The following SLC35F3 variants were observed in gnomAD, a reference collection of about 807,000 sequenced individuals.
SLC35F3 encodes the protein solute carrier family 35 member F3.
Under a neutral mutation model 49.9 loss-of-function variants are expected in SLC35F3, and 25 were observed. The observed-to-expected ratio is 0.50, with a 90% CI of 0.37 to 0.70. SLC35F3 has a LOEUF of 0.70. Among genes scored for constraint, SLC35F3 ranks in the 30% least tolerant of loss-of-function variants. SLC35F3 has a pLI of 0.00. For synonymous variants in SLC35F3, 275 were observed against 265.4 expected, an observed-to-expected ratio of 1.04 and a Z score of -0.35; for missense variants, 525 against 639.8, an observed-to-expected ratio of 0.82 and a Z score of 1.94.
intron 2 of SLC35F3, among the ~76,000 whole-genome samples, chr1:234,172,761 T>C (rs1049875820): frequency 6.6e-6 from 1 of 152,234 alleles, no homozygotes; most frequent in Non-Finnish European, 1.5e-5. Flanking sequence ...CAATGGCAAG[T>C]ATTTGTGTCT....
In SLC35F3 at chr1:234,052,258, C is replaced by T. The variant is rs996935665; in HGVS notation, c.283+146500C>T. Among the ~76,000 whole-genome samples, 3 of 152,130 alleles carry T rather than the reference C, an allele frequency of 2.0e-5. No homozygotes were observed. The South Asian group carries it at 6.2e-4, about 32-fold the overall frequency. On this transcript the variant is annotated intron_variant, in intron 2 of 7. Coordinates refer to ENST00000366618, the MANE Select transcript of SLC35F3 (RefSeq NM_173508.4). ...CTCTGGTAGAATTTGGCTGTGAATC[C>T]GTCTGGTCCTGGACTTTTTTTGTTG...
intron 2 of SLC35F3, among the ~76,000 whole-genome samples, chr1:233,956,288 A>C (rs1036610638): frequency 6.6e-6 from 1 of 152,076 alleles, no homozygotes; most frequent in African/African-American, 2.4e-5. Flanking sequence ...AAAGTCAGCA[A>C]ATATTAGGGC....
intron 2 of SLC35F3, among the ~76,000 whole-genome samples, chr1:233,964,233 T>C (rs115044469): frequency 0.021 from 3,232 of 152,226 alleles, 125 homozygotes; most frequent in African/African-American, 0.074. Flanking sequence ...GATTCTGAGC[T>C]CACAAAGGAG....
intron 4 of SLC35F3, among the ~76,000 whole-genome samples, chr1:234,311,788 G>A (rs1366634481): frequency 6.6e-6 from 1 of 152,194 alleles, no homozygotes; most frequent in East Asian, 1.9e-4. Context: ...TGGTTCTCCA[G>A]GTCAGGGTTC....
chr1:234,296,409 A>T lies in SLC35F3; in HGVS notation c.609-12692A>T, dbSNP rs185939405. On this transcript the variant is annotated intron_variant, in intron 3 of 7. Transcript: ENST00000366618. ...TAGATTTATTCCATGCAATATTTTA[A>T]TGGACTCTTTAGAATAGGAAGAGTG... is the stretch of plus-strand genomic sequence containing the variant. 2.6e-5 allele frequency among the ~76,000 whole-genome samples: 4 copies of T among 152,324 alleles called. No homozygotes were observed. In the East Asian group the frequency reaches 7.7e-4, roughly 29 times the overall value.
At chr1:233,977,291 G>C (rs1162910921) in intron 2 of SLC35F3, among the ~76,000 whole-genome samples, 1 of 152,190 alleles carries the variant, frequency 6.6e-6, no homozygotes, top group Admixed American at 6.5e-5. Flanking sequence ...TTTTATTAGA[G>C]AGTTGAACAA....
At chr1:234,106,087 T>C (rs774219675) in intron 2 of SLC35F3, among the ~76,000 whole-genome samples, 2 of 152,098 alleles carry the variant, frequency 1.3e-5, no homozygotes, top group African/African-American at 2.4e-5. Context: ...ATGACTACGG[T>C]TTATTATGGC....
chr1:234,275,365 T>C (rs1036091275), intron 3 of SLC35F3, among the ~76,000 whole-genome samples: 1 of 152,172 alleles, frequency 6.6e-6, no homozygotes, highest in Non-Finnish European at 1.5e-5. Flanking sequence ...TTCAAAATAC[T>C]TCTGGTCCCA....
At chr1:234,240,006 G>C (rs1012617457) in intron 3 of SLC35F3, among the ~76,000 whole-genome samples, 1 of 152,146 alleles carries the variant, frequency 6.6e-6, no homozygotes, top group African/African-American at 2.4e-5. Context: ...TGTGTAAAAA[G>C]TTCTAAACTG....
At chr1:233,969,064 G>T (rs936667047) in intron 2 of SLC35F3, among the ~76,000 whole-genome samples, 4 of 150,728 alleles carry the variant, frequency 2.7e-5, no homozygotes, top group South Asian at 2.1e-4. Flanking sequence ...ATATTTTGGG[G>T]GGGGGGACAC....
At chr1:233,990,609 G>A (rs528829950) in intron 2 of SLC35F3, among the ~76,000 whole-genome samples, 8 of 150,100 alleles carry the variant, frequency 5.3e-5, no homozygotes, top group African/African-American at 1.7e-4. Context: ...GTAGATCTTA[G>A]GTATTCTCGC....
At chr1:234,161,293 G>C (rs561866526) in intron 2 of SLC35F3, among the ~76,000 whole-genome samples, 1 of 152,344 alleles carries the variant, frequency 6.6e-6, no homozygotes, top group African/African-American at 2.4e-5. Flanking sequence ...GCATAGAAAT[G>C]TGAAGTACCT....
intron 3 of SLC35F3, among the ~76,000 whole-genome samples, chr1:234,294,015 TA>T (rs1166954929): frequency 2.6e-5 from 4 of 152,208 alleles, no homozygotes; most frequent in Non-Finnish European, 5.9e-5. Flanking sequence ...GGCTGTTTTC[TA>T]AAAGCATAAA....
chr1:233,965,037 G>A (rs1365718509), intron 2 of SLC35F3, among the ~76,000 whole-genome samples: 1 of 152,154 alleles, frequency 6.6e-6, no homozygotes, highest in Non-Finnish European at 1.5e-5. Context: ...CAGAACATTA[G>A]GGGCCTGGAG....
rs369511920 is a variant in SLC35F3, at chr1:234,323,239, G to T, written c.1469G>T (p.Arg490Leu). ...AGAAGAGCCCGCCCTTCCTTCGCCC[G>T]CTAACACCACTCCTCTAGAACTCGG... is the stretch of plus-strand genomic sequence containing the variant. The part of the protein sequence containing the change: ...KNRRARPSFA[R>L] The change falls in exon 8 of 8, where the codon CGC becomes CTC. Residue 490 changes from arginine (R) to leucine (L), a missense_variant. Transcript: ENST00000366618. The surrounding 1 kb of genome is among the most constrained non-coding windows in gnomAD (Gnocchi z 4.5). The T allele has an allele frequency of 1.2e-6, 2 of 1,612,884 alleles. No individual in the cohort carries two copies. The highest frequency in any genetic ancestry group is 2.2e-5 in the South Asian group (2 of 90,808).
intron 2 of SLC35F3, among the ~76,000 whole-genome samples, chr1:234,186,994 G>A (rs1206630866): frequency 6.6e-6 from 1 of 151,996 alleles, no homozygotes; most frequent in Non-Finnish European, 1.5e-5. Flanking sequence ...CCCATCTCAG[G>A]TACTCTAGCT....
intron 2 of SLC35F3, among the ~76,000 whole-genome samples, chr1:234,220,898 T>C (rs1667194354): frequency 1.3e-5 from 2 of 151,938 alleles, no homozygotes. Context: ...AACACAGGTA[T>C]GTAGGAGGCA....
chr1:234,042,045 G>A (rs1037068341), intron 2 of SLC35F3, among the ~76,000 whole-genome samples: 2 of 152,084 alleles, frequency 1.3e-5, no homozygotes, highest in Non-Finnish European at 2.9e-5. Context: ...CCCTCCTACT[G>A]CTAGACAGTA....
At chr1:233,906,776 TTTAGA>T (rs1395367452) in intron 2 of SLC35F3, among the ~76,000 whole-genome samples, 1 of 152,232 alleles carries the variant, frequency 6.6e-6, no homozygotes, top group Non-Finnish European at 1.5e-5. Context: ...AATGTCTATC[TTTAGA>T]TTATTCCTAA....
Sources: allele counts gnomAD v4.1 joint callset (sites outside exome capture counted in the v4.1 genomes callset), GRCh38; gene constraint gnomAD v4.1.1; non-coding constraint Gnocchi (gnomAD v3.1); transcripts MANE v1.5; gene names NCBI Gene and HGNC (gene_info 2026-07-23, HGNC 2026-07-21).